RPIA: variants seen among roughly 807,000 people sequenced by gnomAD.
RPIA encodes ribose 5-phosphate isomerase A, also known as ribose-5-phosphate isomerase.
RPIA carries 29 observed loss-of-function variants against 37.8 expected under a neutral mutation model. That is an observed-to-expected ratio of 0.77 (90% CI 0.57 to 1.05). The LOEUF (loss-of-function observed/expected upper bound fraction) is 1.05, where lower values mean the gene tolerates loss of function less well. Among genes scored for constraint, RPIA ranks in the 50% least tolerant of loss-of-function variants. RPIA has a pLI of 0.00. For synonymous variants in RPIA, 167 were observed against 157.0 expected (o/e 1.06, Z -0.48); for missense variants, 385 against 413.6 (o/e 0.93, Z 0.60).
intron 3 of RPIA, among the ~76,000 whole-genome samples, chr2:88,706,052 A>G (rs1264312349): frequency 6.6e-6 from 1 of 152,160 alleles, no homozygotes; most frequent in African/African-American, 2.4e-5. Context: ...AAAGTCAAGA[A>G]ACAACAGATG....
chr2:88,697,648 T>C (rs770976053), intron 1 of RPIA, among the ~76,000 whole-genome samples: 13 of 152,242 alleles, frequency 8.5e-5, no homozygotes, highest in Non-Finnish European at 1.3e-4. Context: ...CTCCGTATTG[T>C]GATGTCTGCC....
chr2:88,744,242 A>T (rs201225216), intron 8 of RPIA, among the ~76,000 whole-genome samples: 92 of 139,566 alleles, frequency 6.6e-4, no homozygotes, highest in African/African-American at 1.1e-3. Context: ...TTAAATTTCC[A>T]TCTTGATTTC....
At chr2:88,744,498 T>C (rs1186385946) in intron 8 of RPIA, among the ~76,000 whole-genome samples, 4 of 152,206 alleles carry the variant, frequency 2.6e-5, no homozygotes, top group African/African-American at 9.6e-5. Flanking sequence ...TCTATAGATA[T>C]CTGTTAAGTC....
rs1345710743 is a variant in RPIA at position 88,691,824 on chromosome 2, G to C, written c.126G>C (p.Arg42=). ...GGGACCTCCCGGGTTCCCACGTGCG[G>C]CTGCCGGGGCGTGCACAGTCTGGGA... ...NSWDLPGSHV[R]LPGRAQSGTR... is the part of the protein sequence containing the mutation. Residue 42 remains arginine, a synonymous_variant, in exon 1 of 9, where the codon CGG becomes CGC. Transcript: ENST00000283646. 1 of 1,596,894 alleles carries C rather than the reference G, an allele frequency of 6.3e-7. No homozygotes were observed. Among genetic ancestry groups the C allele is most frequent in the Admixed American group, 1.8e-5 (1 of 56,934 alleles).
At chr2:88,746,924 T>TATA (rs1404046828) in intron 8 of RPIA, among the ~76,000 whole-genome samples, 1 of 152,158 alleles carries the variant, frequency 6.6e-6, no homozygotes, top group African/African-American at 2.4e-5. Flanking sequence ...AAGCATCAGC[T>TATA]GTAGTAGTAT....
At chr2:88,746,623 C>T (rs1673440756) in intron 8 of RPIA, among the ~76,000 whole-genome samples, 1 of 152,158 alleles carries the variant, frequency 6.6e-6, no homozygotes, top group African/African-American at 2.4e-5. Context: ...CTTTAGGTCC[C>T]CGAGCTGTGG....
At chr2:88,735,835 G>A (rs984445286) in intron 6 of RPIA, 98 bp downstream of exon 6, 1 of 1,155,502 alleles carries the variant, frequency 8.7e-7, no homozygotes, top group Non-Finnish European at 1.3e-6. Flanking sequence ...GAGCTGCAGG[G>A]ACTGTCTGAC....
intron 3 of RPIA, among the ~76,000 whole-genome samples, chr2:88,701,621 A>ATTTG (rs368159586): frequency 6.6e-6 from 1 of 152,390 alleles, no homozygotes; most frequent in East Asian, 1.9e-4. Context: ...GTGATTGGAT[A>ATTTG]TTCTAACAGC....
At chr2:88,739,361 G>T (rs899842313) in intron 8 of RPIA, among the ~76,000 whole-genome samples, 2 of 152,142 alleles carry the variant, frequency 1.3e-5, no homozygotes, top group Admixed American at 6.5e-5. Flanking sequence ...CTCTGTGCCC[G>T]AGTTTCTTCC....
chr2:88,707,281 A>T (rs1432664347), intron 3 of RPIA, among the ~76,000 whole-genome samples: 1 of 151,468 alleles, frequency 6.6e-6, no homozygotes, highest in African/African-American at 2.5e-5. Flanking sequence ...TAGACTGGTA[A>T]ATATTGACTT....
intron 3 of RPIA, among the ~76,000 whole-genome samples, chr2:88,713,911 A>AT (rs776459648): frequency 0.074 from 9,166 of 124,272 alleles, 486 homozygotes; most frequent in African/African-American, 0.17. Flanking sequence ...TTTATGGTTA[A>AT]TTTTTTTTTT....
intron 3 of RPIA, among the ~76,000 whole-genome samples, chr2:88,722,618 C>T (rs905729023): frequency 3.3e-5 from 5 of 152,182 alleles, no homozygotes; most frequent in Admixed American, 6.5e-5. Context: ...GAAACAAAGA[C>T]GTAACAGTCC....
chr2:88,694,511 C>T (rs1408143542), intron 1 of RPIA, among the ~76,000 whole-genome samples: 1 of 152,176 alleles, frequency 6.6e-6, no homozygotes, highest in Non-Finnish European at 1.5e-5. Flanking sequence ...CAGGTTAAGT[C>T]TATCTAGTGT....
chr2:88,732,472 G>A (rs1373369005), intron 4 of RPIA, among the ~76,000 whole-genome samples: 2 of 1,040 alleles, frequency 1.9e-3, no homozygotes, highest in East Asian at 0.011. Context: ...GTAAACTATC[G>A]CAAGAACAAA....
Position 88,698,044 on chromosome 2 carries a change from G to T in RPIA, c.286-440G>T, listed in dbSNP as rs963219333. Among the ~76,000 whole-genome samples, 16 of 151,254 alleles carry T rather than the reference G, an allele frequency of 1.1e-4. 1 individual carries two copies. The highest frequency in any genetic ancestry group is 9.2e-4 in the Admixed American group (14 of 15,206). ...TAATTGCCTCCCTGGGATTGGCCAGGAATCTTTTTCTTTTCTTTCTTCTTC... is the reference window on the plus strand; with the variant it reads ...TAATTGCCTCCCTGGGATTGGCCAGTAATCTTTTTCTTTTCTTTCTTCTTC... On this transcript the variant is annotated intron_variant, in intron 1 of 8. Transcript: ENST00000283646.
At chr2:88,733,289 A>C (rs1673275316) in intron 4 of RPIA, among the ~76,000 whole-genome samples, 1 of 152,154 alleles carries the variant, frequency 6.6e-6, no homozygotes, top group Non-Finnish European at 1.5e-5. Flanking sequence ...GGGAAAGCAA[A>C]GCTGGATAGG....
chr2:88,721,047 G>A (rs890625767), intron 3 of RPIA, among the ~76,000 whole-genome samples: 10 of 152,178 alleles, frequency 6.6e-5, no homozygotes, highest in Non-Finnish European at 1.5e-4. Context: ...AAAAAAGGAT[G>A]AGTTCATGTC....
In RPIA at chr2:88,691,737, G is replaced by T; in HGVS notation, c.39G>T (p.Arg13=). 6.3e-7 allele frequency: 1 copy of T among 1,595,356 alleles called. No individual in the cohort carries two copies. Among genetic ancestry groups the T allele is most frequent in the Non-Finnish European group, 8.5e-7 (1 of 1,175,744 alleles). The change falls in exon 1 of 9, where the codon CGG becomes CGT. Residue 13 remains arginine, a synonymous_variant. Transcript: ENST00000283646. ...RPGPFSTLYG[R]VLAPLPGRAG... is the part of the protein sequence containing the mutation. ...GGCCCTTCAGCACCCTCTACGGGCG[G>T]GTCTTGGCCCCGCTGCCCGGGAGGG...
chr2:88,734,156 T>C (rs1673286238), intron 4 of RPIA, among the ~76,000 whole-genome samples: 1 of 152,040 alleles, frequency 6.6e-6, no homozygotes, highest in South Asian at 2.1e-4. Context: ...GTATTGGCCC[T>C]TTGGTGGGAC....
Sources: gnomAD v4.1 joint callset for allele counts (sites outside exome capture counted in the v4.1 genomes callset) on GRCh38, gnomAD v4.1.1 for gene constraint, MANE v1.5 for transcripts, NCBI Gene and HGNC (gene_info 2026-07-23, HGNC 2026-07-21) for gene names.